The following ETS1 variants were observed in gnomAD, a reference collection of about 807,000 sequenced individuals.
ETS1 encodes the protein ETS proto-oncogene 1, transcription factor, also known as protein C-ets-1.
Under a neutral mutation model 58.6 loss-of-function variants are expected in ETS1, and 15 were observed. The observed-to-expected ratio is 0.26, with a 90% CI of 0.17 to 0.39. The LOEUF is 0.39. Among genes scored for constraint, ETS1 ranks in the 10% least tolerant of loss-of-function variants. The probability of loss-of-function intolerance (pLI) is 1.00; values close to 1 mark genes in which losing one functional copy is unlikely to be tolerated. For synonymous variants in ETS1, 214 were observed against 218.2 expected, an observed-to-expected ratio of 0.98 and a Z score of 0.17; for missense variants, 417 against 610.5, an observed-to-expected ratio of 0.68 and a Z score of 3.34.
chr11:128,559,652 C>A (rs1490722192), intron 2 of ETS1, among the ~76,000 whole-genome samples: 4 of 152,142 alleles, frequency 2.6e-5, no homozygotes, highest in African/African-American at 9.7e-5. Flanking sequence ...TCCTGAGAAG[C>A]CTTTCATGGT....
chr11:128,486,874 A>G (rs1289119674), intron 5 of ETS1, among the ~76,000 whole-genome samples: 1 of 152,240 alleles, frequency 6.6e-6, no homozygotes, highest in Admixed American at 6.5e-5. Flanking sequence ...ATTACCCTGG[A>G]ACAAATGCCA....
intron 3 of ETS1, among the ~76,000 whole-genome samples, chr11:128,519,911 T>C (rs1863619661): frequency 6.6e-6 from 1 of 152,260 alleles, no homozygotes; most frequent in Non-Finnish European, 1.5e-5. Context: ...CAAGTTTTTG[T>C]CTTTATTTTT....
chr11:128,511,069 T>A (rs1863381010), intron 3 of ETS1, among the ~76,000 whole-genome samples: 1 of 152,210 alleles, frequency 6.6e-6, no homozygotes, highest in Admixed American at 6.5e-5. Flanking sequence ...ATGACATTAA[T>A]CTCTGTATGC....
chr11:128,477,391 A>C (rs1377796560), intron 8 of ETS1, among the ~76,000 whole-genome samples: 1 of 152,250 alleles, frequency 6.6e-6, no homozygotes, highest in Non-Finnish European at 1.5e-5. Flanking sequence ...GTACTTTTGC[A>C]AATTTCAGCT....
intron 2 of ETS1, among the ~76,000 whole-genome samples, chr11:128,563,033 G>T (rs1864430616): frequency 6.6e-6 from 1 of 151,744 alleles, no homozygotes; most frequent in South Asian, 2.1e-4. Context: ...AGGAGTCTGT[G>T]TCTGTGGAGT....
chr11:128,480,968 G>T (rs1862470076), intron 7 of ETS1, among the ~76,000 whole-genome samples: 1 of 152,174 alleles, frequency 6.6e-6, no homozygotes. Flanking sequence ...ACTAAGAGCA[G>T]ATTAGCCTGT....
intron 2 of ETS1, among the ~76,000 whole-genome samples, chr11:128,563,102 C>T (rs987237318): frequency 2.0e-5 from 3 of 152,162 alleles, no homozygotes; most frequent in Non-Finnish European, 2.9e-5. Flanking sequence ...TGTCCACATG[C>T]GATGAGTAAC....
intron 3 of ETS1, among the ~76,000 whole-genome samples, chr11:128,494,419 A>G (rs1189134019): frequency 6.6e-6 from 1 of 152,262 alleles, no homozygotes; most frequent in African/African-American, 2.4e-5. Flanking sequence ...GAGATTGCAC[A>G]GTATTTAGAC....
chr11:128,513,947 C>T lies in ETS1; in HGVS notation c.215-23371G>A, dbSNP rs117013799. Among the ~76,000 whole-genome samples the T allele has an allele frequency of 4.0e-3, 612 of 152,262 alleles. 3 individuals are homozygous for T. Among genetic ancestry groups the T allele is most frequent in the Non-Finnish European group, 7.2e-3 (490 of 68,028 alleles). Reference sequence around the variant, plus strand: ...ATTTTTATTCTGAACATGAATGATACTAATGCATCACACAACTCTAAACGC... The same window carrying T: ...ATTTTTATTCTGAACATGAATGATATTAATGCATCACACAACTCTAAACGC... On this transcript the variant is annotated intron_variant, in intron 3 of 9. Transcript: ENST00000392668.
chr11:128,534,682 T>C (rs191532814), intron 3 of ETS1, among the ~76,000 whole-genome samples: 1 of 152,316 alleles, frequency 6.6e-6, no homozygotes, highest in African/African-American at 2.4e-5. Context: ...CAGTGTTTGG[T>C]TTTCTGTTCC....
At chr11:128,495,919 C>T (rs1222841230) in intron 3 of ETS1, among the ~76,000 whole-genome samples, 3 of 152,120 alleles carry the variant, frequency 2.0e-5, no homozygotes, top group Non-Finnish European at 4.4e-5. Flanking sequence ...TTCAAACATA[C>T]ATAAAAGTAG....
intron 1 of ETS1, among the ~76,000 whole-genome samples, chr11:128,585,087 A>G (rs1483071236): frequency 7.4e-4 from 23 of 31,104 alleles, no homozygotes; most frequent in African/African-American, 2.5e-3. Context: ...AGAAAGAAAG[A>G]AAGGAAAGAA....
chr11:128,476,449 G>C (rs1862325397), intron 8 of ETS1, among the ~76,000 whole-genome samples: 1 of 152,244 alleles, frequency 6.6e-6, no homozygotes, highest in Non-Finnish European at 1.5e-5. Flanking sequence ...TGGTGCTTAA[G>C]ATTCAATTCA....
chr11:128,569,318 C>CTTTTT lies in ETS1; in HGVS notation c.69+3739_69+3743dup, dbSNP rs398018017. Among the ~76,000 whole-genome samples, 13 of 39,472 alleles carry CTTTTT rather than the reference C, an allele frequency of 3.3e-4. 3 individuals are homozygous for CTTTTT. Among genetic ancestry groups the CTTTTT allele is most frequent in the African/African-American group, 5.5e-4 (5 of 9,134 alleles). 25.9% of individuals were successfully genotyped at this position (39,472 alleles called of 152,430 possible). A position where few individuals can be genotyped will look rare whatever the true frequency, so the allele number is the denominator to read the frequency against. On this transcript the variant is annotated intron_variant, in intron 2 of 9. Coordinates refer to ENST00000392668, the MANE Select transcript of ETS1 (RefSeq NM_001143820.2). ...TACCATACATGGGACAGAGTTTCTT[C>CTTTTT]TTTTTTTTTTTTTTTTTTTTTTTTG...
chr11:128,528,192 C>T (rs1863835812), intron 3 of ETS1, among the ~76,000 whole-genome samples: 1 of 152,108 alleles, frequency 6.6e-6, no homozygotes, highest in Admixed American at 6.5e-5. Context: ...GCAGTTAAGA[C>T]CTAGTAAAGT....
intron 1 of ETS1, among the ~76,000 whole-genome samples, chr11:128,585,168 G>GAAAGAAAGAAAGAAAGAAGGAAAGAA (rs1181258711): frequency 1.2e-4 from 1 of 8,368 alleles, no homozygotes; most frequent in Non-Finnish European, 1.9e-4. Context: ...AAGAAAGAAA[G>GAAAGAAAGAAAGAAAGAAGGAAAGAA]AGAAAGAAAG....
At chr11:128,559,575 T>C (rs551666276) in intron 2 of ETS1, among the ~76,000 whole-genome samples, 13 of 152,336 alleles carry the variant, frequency 8.5e-5, no homozygotes, top group Non-Finnish European at 1.6e-4. Flanking sequence ...GATCCTATTT[T>C]TAAGAATGAG....
At chr11:128,575,034 C>CA (rs938384179) in intron 1 of ETS1, among the ~76,000 whole-genome samples, 1 of 151,944 alleles carries the variant, frequency 6.6e-6, no homozygotes, top group African/African-American at 2.4e-5. Flanking sequence ...TGATTTCCTC[C>CA]AAAAAAAGCC....
At chr11:128,530,257 A>C (rs150474966) in intron 3 of ETS1, 2 of 152,446 alleles carry the variant, frequency 1.3e-5, no homozygotes, top group African/African-American at 4.8e-5. Context: ...TGAAGGAGTC[A>C]GAATGTAGTG....
Sources: allele counts gnomAD v4.1 joint callset (sites outside exome capture counted in the v4.1 genomes callset), GRCh38; gene constraint gnomAD v4.1.1; transcripts MANE v1.5; gene names NCBI Gene and HGNC (gene_info 2026-07-23, HGNC 2026-07-21).